The following LANCL2 variants were observed in gnomAD, a reference collection of about 807,000 sequenced individuals.
The protein encoded by LANCL2 is lanC-like protein 2.
LANCL2 carries 33 observed loss-of-function variants against 56.9 expected under a neutral mutation model. That is an observed-to-expected ratio of 0.58 (90% CI 0.44 to 0.78). LANCL2 has a LOEUF of 0.78. Among genes scored for constraint, LANCL2 ranks in the 30% least tolerant of loss-of-function variants. LANCL2 has a pLI of 0.00. For missense variants in LANCL2, 562 were observed against 580.2 expected, an observed-to-expected ratio of 0.97 and a Z score of 0.32; for synonymous variants, 233 against 228.2, an observed-to-expected ratio of 1.02 and a Z score of -0.19.
At chr7:55,374,538 T>A (rs115351550) in intron 1 of LANCL2, among the ~76,000 whole-genome samples, 1 of 152,272 alleles carries the variant, frequency 6.6e-6, no homozygotes, top group African/African-American at 2.4e-5. Flanking sequence ...TCAGAAGATA[T>A]AGCTTCCCCA....
At position 55,365,706 on chromosome 7, in the gene LANCL2, G is replaced by A; in HGVS notation, c.-320G>A. The A allele has an allele frequency of 4.2e-6, 1 of 238,912 alleles. No homozygotes were observed. The highest frequency in any genetic ancestry group is 8.1e-6 in the Non-Finnish European group (1 of 124,006). The allele number at this position is 238,912 out of a possible 1,614,324, so 14.8% of individuals were successfully genotyped here. A position where few individuals can be genotyped will look rare whatever the true frequency, so the allele number is the denominator to read the frequency against. On this transcript the variant is annotated 5_prime_UTR_variant, in exon 1 of 9. Coordinates refer to ENST00000254770, the MANE Select transcript of LANCL2 (RefSeq NM_018697.4). The stretch of plus-strand genomic sequence containing the variant: ...GCCGCGGACGGGCTCTGCGGGCCAC[G>A]GGGAAGGTGCGAGGAGGCGCGAGCA...
intron 5 of LANCL2, among the ~76,000 whole-genome samples, chr7:55,402,697 G>A (rs1485689160): frequency 1.7e-5 from 2 of 118,974 alleles, no homozygotes; most frequent in African/African-American, 6.4e-5. Context: ...CCGGGCGGGG[G>A]GCTGACCCCC....
chr7:55,377,360 C>G (rs1028162318), intron 1 of LANCL2, among the ~76,000 whole-genome samples: 2 of 151,994 alleles, frequency 1.3e-5, no homozygotes, highest in East Asian at 3.9e-4. Flanking sequence ...TTTCTTGAAA[C>G]GTTTTTCAAG....
chr7:55,393,659 A>G (rs1316170817), intron 2 of LANCL2, among the ~76,000 whole-genome samples: 3 of 152,090 alleles, frequency 2.0e-5, no homozygotes, highest in African/African-American at 7.2e-5. Flanking sequence ...ATTTACATTC[A>G]TTTTTGTGAA....
At position 55,411,971 on chromosome 7, in the gene LANCL2, G is replaced by A. The variant is rs777471968; in HGVS notation, c.890G>A (p.Arg297His). 1.4e-5 allele frequency: 22 copies of A among 1,614,034 alleles called. No homozygotes were observed. The highest frequency in any genetic ancestry group is 1.4e-5 in the Non-Finnish European group (17 of 1,180,006). ...GTGAAACCCAGTATTGATTATGTGC[G>A]CCACAAAAAATTCCGATCTGGGAAT... ...EMVKPSIDYV[R>H]HKKFRSGNYP... Residue 297 changes from arginine (R) to histidine (H), a missense_variant, in exon 6 of 9, where the codon CGC becomes CAC. Physicochemically the swap from Arg to His is conservative, Grantham distance 29. Coordinates refer to ENST00000254770, the MANE Select transcript of LANCL2 (RefSeq NM_018697.4).
At chr7:55,400,904 A>G (rs1274195979) in intron 4 of LANCL2, among the ~76,000 whole-genome samples, 1 of 152,086 alleles carries the variant, frequency 6.6e-6, no homozygotes, top group African/African-American at 2.4e-5. Flanking sequence ...GTTTTTCTAG[A>G]TTTTTCGTTG....
rs1303912319 is a variant in LANCL2, at chr7:55,401,155, T to G, written c.679-19T>G. ...TACATATACAGTTTTAGATTTATGC[T>G]GTCTTGTTATCTCTGTAGGTAGTCA... is the stretch of plus-strand genomic sequence containing the variant. On this transcript the variant is annotated intron_variant, in intron 4 of 8. Coordinates refer to ENST00000254770, the MANE Select transcript of LANCL2 (RefSeq NM_018697.4). 1 of 1,611,202 alleles carries G rather than the reference T, an allele frequency of 6.2e-7. No homozygotes were observed. Among genetic ancestry groups the G allele is most frequent in the Admixed American group, 1.7e-5 (1 of 59,986 alleles).
chr7:55,411,913 G>A lies in LANCL2; in HGVS notation c.832G>A (p.Ala278Thr). ...CATTTTTGTTTGTTTAAAGCCGGCA[G>A]CAAAAGTGGACCAAGAAACCTTGAC... ...GIYYMLMQPA[A>T]KVDQETLTEM... Residue 278 changes from alanine to threonine, a missense_variant, in exon 6 of 9, where the codon GCA becomes ACA. By Grantham distance (58) the Ala-to-Thr change is moderately conservative. Coordinates refer to ENST00000254770, the MANE Select transcript of LANCL2 (RefSeq NM_018697.4). The A allele has an allele frequency of 1.2e-6, 2 of 1,608,494 alleles. No homozygotes were observed. Among genetic ancestry groups the A allele is most frequent in the Non-Finnish European group, 1.7e-6 (2 of 1,176,080 alleles).
At chr7:55,383,838 C>CTA (rs1329203482) in intron 1 of LANCL2, among the ~76,000 whole-genome samples, 33 of 137,392 alleles carry the variant, frequency 2.4e-4, no homozygotes, top group South Asian at 1.2e-3. Flanking sequence ...CTTCGTCTCT[C>CTA]TCTATATATA....
chr7:55,412,954 A>G (rs1448650741), intron 6 of LANCL2, among the ~76,000 whole-genome samples: 1 of 152,214 alleles, frequency 6.6e-6, no homozygotes, highest in African/African-American at 2.4e-5. Context: ...CTTTACAGCT[A>G]CCGTAATAAA....
chr7:55,405,140 G>A (rs890452746), intron 5 of LANCL2, among the ~76,000 whole-genome samples: 26 of 152,214 alleles, frequency 1.7e-4, no homozygotes, highest in African/African-American at 6.3e-4. Context: ...ACCTGGGAAT[G>A]CCAGGGCTGT....
intron 1 of LANCL2, among the ~76,000 whole-genome samples, chr7:55,380,230 A>G (rs1790050788): frequency 6.6e-6 from 1 of 152,230 alleles, no homozygotes; most frequent in South Asian, 2.1e-4. Flanking sequence ...TAGCAAAAAT[A>G]TATGCCTGTA....
chr7:55,409,240 A>G (rs2128994970), intron 5 of LANCL2, among the ~76,000 whole-genome samples: 1 of 151,300 alleles, frequency 6.6e-6, no homozygotes, highest in South Asian at 2.1e-4. Flanking sequence ...GGCACCTGCC[A>G]CCATGCCCGG....
intron 1 of LANCL2, among the ~76,000 whole-genome samples, chr7:55,366,674 C>T (rs532111278): frequency 6.6e-6 from 1 of 152,214 alleles, no homozygotes; most frequent in African/African-American, 2.4e-5. Flanking sequence ...TCCGTACTGT[C>T]TGTGTGCCCA....
chr7:55,389,211 T>TA (rs1790158723), intron 1 of LANCL2, among the ~76,000 whole-genome samples: 1 of 152,092 alleles, frequency 6.6e-6, no homozygotes. Context: ...TTCCAGTTTT[T>TA]AAAAAATACA....
chr7:55,392,998 A>G (rs1790209582), intron 2 of LANCL2, among the ~76,000 whole-genome samples: 2 of 152,190 alleles, frequency 1.3e-5, no homozygotes, highest in Non-Finnish European at 2.9e-5. Context: ...TATTTTAATG[A>G]TAACAACCAA....
chr7:55,370,749 T>A (rs1264016807), intron 1 of LANCL2, among the ~76,000 whole-genome samples: 1 of 152,088 alleles, frequency 6.6e-6, no homozygotes, highest in Non-Finnish European at 1.5e-5. Flanking sequence ...AGCAAGGACT[T>A]AAGGGATACC....
intron 6 of LANCL2, among the ~76,000 whole-genome samples, chr7:55,420,921 T>G (rs1171185457): frequency 1.3e-5 from 2 of 152,264 alleles, no homozygotes; most frequent in African/African-American, 4.8e-5. Context: ...TTTGAGGCTC[T>G]GTTCTAATAC....
intron 1 of LANCL2, among the ~76,000 whole-genome samples, chr7:55,371,912 T>A (rs10155962): frequency 0.018 from 2,721 of 151,236 alleles, 80 homozygotes; most frequent in African/African-American, 0.061. Flanking sequence ...AACTAAATTG[T>A]GTGTGTGTGT....
Sources: gnomAD v4.1 joint callset for allele counts (sites outside exome capture counted in the v4.1 genomes callset) on GRCh38, gnomAD v4.1.1 for gene constraint, MANE v1.5 for transcripts, NCBI Gene and HGNC (gene_info 2026-07-23, HGNC 2026-07-21) for gene names.